Variants in RTN4RL1 observed in about 807,000 individuals in gnomAD.
RTN4RL1 encodes the protein reticulon-4 receptor-like 1.
A neutral mutation model predicts 25.6 loss-of-function variants in RTN4RL1; 7 were observed. That is an observed-to-expected ratio of 0.27 (90% CI 0.16 to 0.51). RTN4RL1 has a LOEUF of 0.51. Ranked by LOEUF, RTN4RL1 falls within the 20% of genes least tolerant of loss-of-function variation. The pLI is 0.97. For missense variants in RTN4RL1, 500 were observed against 615.6 expected (o/e 0.81, Z 1.99); for synonymous variants, 297 against 288.2 (o/e 1.03, Z -0.31).
chr17:1,941,989 T>C (rs911255069), intron 1 of RTN4RL1, among the ~76,000 whole-genome samples: 2 of 152,202 alleles, frequency 1.3e-5, no homozygotes, highest in Non-Finnish European at 1.5e-5. Context: ...GCCCGAGCCT[T>C]GGCGGTGCAT....
In RTN4RL1 at chr17:1,935,711, GTATATATA is replaced by G. The variant is rs58785478; in HGVS notation, c.*777_*784del. On this transcript the variant is annotated 3_prime_UTR_variant, in exon 2 of 2. Transcript: ENST00000331238. ...AGTGGGAGGGGGACTGTGCATTTGT[GTATATATA>G]TATATATATATATATATATATATAT... 0.22 allele frequency: 34,943 copies of G among 159,844 alleles called. 4,820 individuals carry two copies. Among genetic ancestry groups the G allele is most frequent in the Non-Finnish European group, 0.25 (29,203 of 115,230 alleles). 9.9% of individuals were successfully genotyped at this position (159,844 alleles called of 1,614,324 possible). A position where few individuals can be genotyped will look rare whatever the true frequency, so the allele number is the denominator to read the frequency against.
chr17:1,999,682 A>ACACACACACGCACAGG (rs2066948005), intron 1 of RTN4RL1, among the ~76,000 whole-genome samples: 2 of 119,092 alleles, frequency 1.7e-5, no homozygotes, highest in South Asian at 2.6e-4. Flanking sequence ...TGCCCCCCCC[A>ACACACACACGCACAGG]CACACACACG....
rs137992003 is a variant in RTN4RL1 at position 1,990,178 on chromosome 17, G to A, written c.13+34675C>T. On this transcript the variant is annotated intron_variant, in intron 1 of 1. Transcript: ENST00000331238. ...AGGTTGAGACCAGCCTGATCAACAC[G>A]GTGAAACCCCATCTCTGCTAAAAAT... Among the ~76,000 whole-genome samples the A allele has an allele frequency of 5.3e-3, 813 of 152,050 alleles. 7 individuals carry two copies. Among genetic ancestry groups the A allele is most frequent in the African/African-American group, 0.019 (778 of 41,464 alleles).
chr17:2,002,527 C>T (rs1410698048), intron 1 of RTN4RL1, among the ~76,000 whole-genome samples: 2 of 151,518 alleles, frequency 1.3e-5, no homozygotes, highest in Non-Finnish European at 2.9e-5. Flanking sequence ...CTCCTGACCT[C>T]GTGATCCGCC....
chr17:1,942,264 G>A lies in RTN4RL1; in HGVS notation c.14-4456C>T, dbSNP rs544257099. Among the ~76,000 whole-genome samples the A allele has an allele frequency of 1.9e-3, 290 of 152,226 alleles. 2 individuals are homozygous for A. Among genetic ancestry groups the A allele is most frequent in the Non-Finnish European group, 3.3e-3 (223 of 67,996 alleles). ...GCCTCCCACATGCCTGAGCTCACCC[G>A]CATCTCTGAGGCCTCATTCATTCCC... On this transcript the variant is annotated intron_variant, in intron 1 of 1. Transcript: ENST00000331238.
At chr17:1,999,085 C>T (rs1000452770) in intron 1 of RTN4RL1, among the ~76,000 whole-genome samples, 7 of 96,114 alleles carry the variant, frequency 7.3e-5, no homozygotes, top group African/African-American at 3.4e-4. Flanking sequence ...ACACCAGACA[C>T]ATGCGCGATC....
intron 1 of RTN4RL1, among the ~76,000 whole-genome samples, chr17:1,986,124 T>C (rs2066886255): frequency 6.6e-6 from 1 of 151,844 alleles, no homozygotes; most frequent in Non-Finnish European, 1.5e-5. Flanking sequence ...GAGAGCCATC[T>C]CCAGAAGGTC....
At chr17:1,961,101 C>A (rs1271814040) in intron 1 of RTN4RL1, among the ~76,000 whole-genome samples, 2 of 152,214 alleles carry the variant, frequency 1.3e-5, no homozygotes, top group Admixed American at 1.3e-4. Context: ...CGGGACAGGG[C>A]CAGGCACCCA....
intron 1 of RTN4RL1, among the ~76,000 whole-genome samples, chr17:2,002,666 T>C (rs976698882): frequency 3.3e-5 from 5 of 152,136 alleles, no homozygotes; most frequent in African/African-American, 1.2e-4. Context: ...CTTTTCTCTG[T>C]CTCTGTCTCC....
chr17:1,950,482 G>A (rs1213188733), intron 1 of RTN4RL1, among the ~76,000 whole-genome samples: 1 of 152,084 alleles, frequency 6.6e-6, no homozygotes, highest in Non-Finnish European at 1.5e-5. Flanking sequence ...GGCTGCAGCT[G>A]GAAGTACAAA....
chr17:1,937,383 C>A lies in RTN4RL1; in HGVS notation c.439G>T (p.Gly147Cys). The change falls in exon 2 of 2, where the codon GGC (glycine) becomes TGC (cysteine). Residue 147 changes from glycine to cysteine, a missense_variant. Gly to Cys is a radical substitution (Grantham distance 159). Around this residue, in one of 2 missense-constraint regions of RTN4RL1, gnomAD observed 232 missense variants for 341.1 expected, o/e 0.68. Coordinates refer to ENST00000331238, the MANE Select transcript of RTN4RL1 (RefSeq NM_178568.4). ...LSALPAGVFG[G>C]LHSLQYLYLQ... The stretch of plus-strand genomic sequence containing the variant: ...TAGAGGTACTGCAGGCTGTGCAGGC[C>A]GCCAAAGACGCCGGCCGGCAAGGCG... The A allele has an allele frequency of 6.2e-7, 1 of 1,613,658 alleles. No homozygotes were observed. The highest frequency in any genetic ancestry group is 1.3e-5 in the African/African-American group (1 of 75,008).
intron 1 of RTN4RL1, among the ~76,000 whole-genome samples, chr17:1,975,096 C>G (rs1333709980): frequency 4.6e-5 from 7 of 152,214 alleles, no homozygotes; most frequent in Non-Finnish European, 4.4e-5. Context: ...TCCTACCTTG[C>G]TCTCAGCACA....
intron 1 of RTN4RL1, among the ~76,000 whole-genome samples, chr17:2,020,946 C>T (rs572096304): frequency 9.1e-4 from 139 of 152,320 alleles, no homozygotes; most frequent in Non-Finnish European, 1.5e-3. Context: ...TGGATGTTGC[C>T]GGGTGGCTTG....
chr17:1,941,680 G>A (rs943020245), intron 1 of RTN4RL1, among the ~76,000 whole-genome samples: 5 of 152,046 alleles, frequency 3.3e-5, no homozygotes, highest in Admixed American at 1.3e-4. Context: ...CCACCCCAGG[G>A]AAGCTGTCCT....
At chr17:2,008,054 C>T (rs2067013077) in intron 1 of RTN4RL1, among the ~76,000 whole-genome samples, 1 of 151,902 alleles carries the variant, frequency 6.6e-6, no homozygotes, top group African/African-American at 2.4e-5. Context: ...GGGCGGATCA[C>T]CTGAGGTCAG....
intron 1 of RTN4RL1, among the ~76,000 whole-genome samples, chr17:1,942,885 G>A (rs934209411): frequency 5.3e-5 from 8 of 152,194 alleles, no homozygotes; most frequent in African/African-American, 1.2e-4. Context: ...GGAAGGGGGC[G>A]ACGTGCCCCT....
intron 1 of RTN4RL1, among the ~76,000 whole-genome samples, chr17:1,941,697 C>T (rs1915441661): frequency 6.6e-6 from 1 of 152,146 alleles, no homozygotes; most frequent in African/African-American, 2.4e-5. Context: ...TCCTTCCAGG[C>T]ACCCCTGCCC....
chr17:2,008,530 T>C (rs1028968486), intron 1 of RTN4RL1, among the ~76,000 whole-genome samples: 1 of 152,104 alleles, frequency 6.6e-6, no homozygotes, highest in South Asian at 2.1e-4. Flanking sequence ...AGTGATTTTC[T>C]TCTTTTTGCC....
intron 1 of RTN4RL1, among the ~76,000 whole-genome samples, chr17:1,952,772 G>T (rs1051652691): frequency 2.6e-5 from 4 of 151,804 alleles, no homozygotes; most frequent in African/African-American, 9.7e-5. Context: ...TGCCGGGGGT[G>T]AGTCTTTGTC....
Sources: gnomAD v4.1 joint callset for allele counts (sites outside exome capture counted in the v4.1 genomes callset) on GRCh38, gnomAD v4.1.1 for gene constraint, gnomAD v4.1.1 regional missense constraint, MANE v1.5 for transcripts, NCBI Gene and HGNC (gene_info 2026-07-23, HGNC 2026-07-21) for gene names.